The following EVL variants were observed in gnomAD, a reference collection of about 807,000 sequenced individuals.
EVL encodes ena/VASP-like protein.
EVL carries 21 observed loss-of-function variants against 59.6 expected under a neutral mutation model. The observed-to-expected ratio is 0.35, with a 90% CI of 0.25 to 0.51. The LOEUF (loss-of-function observed/expected upper bound fraction) is 0.51, where lower values mean the gene tolerates loss of function less well. Ranked by LOEUF, EVL falls within the 20% of genes least tolerant of loss-of-function variation. The pLI is 0.97. For missense variants in EVL, 462 were observed against 546.6 expected, an observed-to-expected ratio of 0.85 and a Z score of 1.54; for synonymous variants, 198 against 203.5, an observed-to-expected ratio of 0.97 and a Z score of 0.23.
chr14:100,060,283 T>C (rs949964845), intron 1 of EVL, among the ~76,000 whole-genome samples: 2 of 151,380 alleles, frequency 1.3e-5, no homozygotes, highest in African/African-American at 4.9e-5. Flanking sequence ...TACAAAAAAT[T>C]AGCCGGGCGT....
At chr14:100,079,275 ACT>A (rs2062237685) in intron 1 of EVL, among the ~76,000 whole-genome samples, 1 of 152,192 alleles carries the variant, frequency 6.6e-6, no homozygotes, top group Non-Finnish European at 1.5e-5. Flanking sequence ...TGGCAGTTAC[ACT>A]TTTTCTGAGA....
At chr14:99,997,346 G>T (rs1391878136) in intron 1 of EVL, among the ~76,000 whole-genome samples, 1 of 152,240 alleles carries the variant, frequency 6.6e-6, no homozygotes, top group African/African-American at 2.4e-5. Flanking sequence ...TTGCTCAGTT[G>T]TTCTTGCCTG....
chr14:100,053,777 T>C (rs2061683250), intron 1 of EVL, among the ~76,000 whole-genome samples: 1 of 152,186 alleles, frequency 6.6e-6, no homozygotes, highest in African/African-American at 2.4e-5. Flanking sequence ...GCCTCCTGAG[T>C]AGCTGGGACT....
chr14:100,005,630 TACACACACACACACACACACACACAC>T (rs35844160), intron 1 of EVL, among the ~76,000 whole-genome samples: 2 of 143,638 alleles, frequency 1.4e-5, no homozygotes, highest in Non-Finnish European at 3.1e-5. Flanking sequence ...GCCTTTTAAA[TACACACACACACACACACACACACAC>T]ACACACACAC....
chr14:100,054,447 T>C (rs1418196662), intron 1 of EVL, among the ~76,000 whole-genome samples: 3 of 152,144 alleles, frequency 2.0e-5, no homozygotes, highest in African/African-American at 7.2e-5. Context: ...AAGCTTTTGT[T>C]GGTGAATCTG....
chr14:100,063,612 T>C (rs1405005914), upstream of EVL, among the ~76,000 whole-genome samples: 1 of 152,142 alleles, frequency 6.6e-6, no homozygotes, highest in Non-Finnish European at 1.5e-5. Flanking sequence ...TCAGGACCTT[T>C]CCCTCAGCAG....
intron 1 of EVL, among the ~76,000 whole-genome samples, chr14:100,025,325 C>T (rs1048277456): frequency 3.9e-5 from 6 of 152,150 alleles, no homozygotes; most frequent in African/African-American, 1.2e-4. Context: ...CCAGCTTGTG[C>T]TGTTCCTTGA....
At chr14:100,020,486 C>T (rs2061104277) in intron 1 of EVL, among the ~76,000 whole-genome samples, 1 of 151,846 alleles carries the variant, frequency 6.6e-6, no homozygotes, top group African/African-American at 2.4e-5. Context: ...TGCACGCACA[C>T]ACACACACTT....
At chr14:99,999,766 C>A (rs1012824556) in intron 1 of EVL, among the ~76,000 whole-genome samples, 1 of 152,186 alleles carries the variant, frequency 6.6e-6, no homozygotes, top group Non-Finnish European at 1.5e-5. Flanking sequence ...ATGAAGAGGG[C>A]ATACTGTGGT....
rs538209304 is a variant in EVL, at chr14:99,976,493, G to C, written c.5+4436G>C. ...AATCTGTTAGTTGTTTCCAGTGTCT[G>C]TTTCTGTTGATTTTCATTCATATTG... On this transcript the variant is annotated intron_variant, in intron 1 of 13. Coordinates refer to the EVL transcript ENST00000402714. Among the ~76,000 whole-genome samples, 20 of 149,952 alleles carry C rather than the reference G, an allele frequency of 1.3e-4. No homozygotes were observed. In the South Asian group the frequency reaches 4.2e-3, roughly 32 times the overall value.
At chr14:100,001,066 A>G (rs1299526689) in intron 1 of EVL, among the ~76,000 whole-genome samples, 1 of 152,202 alleles carries the variant, frequency 6.6e-6, no homozygotes, top group African/African-American at 2.4e-5. Context: ...GAGAAAAACA[A>G]CAACAAACAA....
At chr14:100,123,510 A>G (rs1274238447) in intron 3 of EVL, 29 bp from the exon 4 acceptor site, 29 of 1,612,894 alleles carry the variant, frequency 1.8e-5, no homozygotes, top group Non-Finnish European at 2.5e-5. Flanking sequence ...TCCTCTAACC[A>G]CACTGTTTCT....
At chr14:100,115,938 T>G (rs935242292) in intron 3 of EVL, among the ~76,000 whole-genome samples, 1 of 152,242 alleles carries the variant, frequency 6.6e-6, no homozygotes, top group Non-Finnish European at 1.5e-5. Flanking sequence ...GCTGTTTGTT[T>G]ATTAATCAGT....
At chr14:100,135,727 C>G in intron 8 of EVL, 178 bp from the exon 9 acceptor site, 1 of 595,166 alleles carries the variant, frequency 1.7e-6, no homozygotes, top group Non-Finnish European at 3.0e-6. Context: ...TGGCTCGATT[C>G]TCTCCCCACT....
intron 1 of EVL, among the ~76,000 whole-genome samples, chr14:100,030,214 C>T (rs2061291102): frequency 6.6e-6 from 1 of 151,864 alleles, no homozygotes; most frequent in African/African-American, 2.4e-5. Context: ...ACCGCAGCCT[C>T]CCAAGTAGCT....
chr14:100,106,974 C>A (rs1303706100), intron 3 of EVL: 2 of 398,564 alleles, frequency 5.0e-6, no homozygotes, highest in Non-Finnish European at 8.8e-6. Context: ...CTTGGTCTAG[C>A]AGGAAGAGTG....
chr14:100,123,665 G>A, intron 4 of EVL, 63 bp downstream of exon 4: 2 of 1,564,020 alleles, frequency 1.3e-6, no homozygotes, highest in East Asian at 4.5e-5. Flanking sequence ...GGCCAGGGGT[G>A]CCTTCAGCGG....
intron 1 of EVL, among the ~76,000 whole-genome samples, chr14:100,071,536 T>C (rs1482486781): frequency 1.3e-5 from 2 of 152,174 alleles, no homozygotes; most frequent in African/African-American, 2.4e-5. Context: ...TTTTAAAAAA[T>C]TATTAGTTTT....
intron 1 of EVL, among the ~76,000 whole-genome samples, chr14:100,045,890 G>A (rs978581009): frequency 6.6e-6 from 1 of 152,148 alleles, no homozygotes; most frequent in African/African-American, 2.4e-5. Context: ...AAGTAGTCTT[G>A]ACAACTTTTT....
Sources: gnomAD v4.1 joint callset for allele counts (sites outside exome capture counted in the v4.1 genomes callset) on GRCh38, gnomAD v4.1.1 for gene constraint, MANE v1.5 for transcripts, NCBI Gene and HGNC (gene_info 2026-07-23, HGNC 2026-07-21) for gene names.